Variants in U2AF2 observed in about 807,000 individuals in gnomAD.
U2AF2 encodes splicing factor U2AF 65 kDa subunit.
In U2AF2, 6 loss-of-function variants were observed where a neutral mutation model predicts 52.6. The ratio of observed to expected loss-of-function variants is 0.11; its 90% CI spans 0.06 to 0.23. The LOEUF is 0.23. Among genes scored for constraint, U2AF2 ranks in the 10% least tolerant of loss-of-function variants. U2AF2 has a pLI of 1.00. For missense variants in U2AF2, 222 were observed against 677.1 expected, an observed-to-expected ratio of 0.33 and a Z score of 7.46; for synonymous variants, 284 against 258.2, an observed-to-expected ratio of 1.10 and a Z score of -0.96.
At chr19:55,669,861 T>C (rs1984780221) in intron 11 of U2AF2, among the ~76,000 whole-genome samples, 169 bp downstream of exon 11, 1 of 152,186 alleles carries the variant, frequency 6.6e-6, no homozygotes. Flanking sequence ...ATGCCATCAC[T>C]GAGTGCCGCC....
At position 55,668,930 on chromosome 19, in the gene U2AF2, C is replaced by T. The variant is rs1210603124; in HGVS notation, c.945+138C>T. ...CAGTGCCCTGTGTGTGGGCTCGTCC[C>T]TGTCCCATGGCGTTGGCTTTTTCCA... On this transcript the variant is annotated intron_variant, in intron 9 of 11. Coordinates refer to ENST00000308924, the MANE Select transcript of U2AF2 (RefSeq NM_007279.3). The surrounding 1 kb of genome is among the most constrained non-coding windows in gnomAD (Gnocchi z 5.5). 17 of 1,504,366 alleles carry T rather than the reference C, an allele frequency of 1.1e-5. No homozygotes were observed. The highest frequency in any genetic ancestry group is 1.4e-5 in the Non-Finnish European group (16 of 1,117,646). 93.2% of individuals were successfully genotyped at this position (1,504,366 alleles called of 1,614,324 possible).
intron 1 of U2AF2, among the ~76,000 whole-genome samples, chr19:55,658,141 C>T (rs1389374148): frequency 6.6e-6 from 1 of 152,174 alleles, no homozygotes; most frequent in Admixed American, 6.5e-5. Context: ...CCCTTTCCTC[C>T]TCTTGTCCCC....
At chr19:55,662,647 G>T (rs770337054) in intron 6 of U2AF2, 29 bp downstream of exon 6, 1 of 1,595,760 alleles carries the variant, frequency 6.3e-7, no homozygotes, top group South Asian at 1.1e-5. Context: ...TGAGGTCCAG[G>T]AAACGTGTGT....
intron 6 of U2AF2, among the ~76,000 whole-genome samples, chr19:55,662,968 G>C (rs1206463989): frequency 6.6e-6 from 1 of 152,002 alleles, no homozygotes; most frequent in Non-Finnish European, 1.5e-5. Context: ...CCAGCTAACT[G>C]ATGTTCCTAA....
intron 2 of U2AF2, among the ~76,000 whole-genome samples, chr19:55,659,927 C>T (rs551134259): frequency 3.8e-4 from 58 of 152,286 alleles, no homozygotes; most frequent in African/African-American, 1.1e-3. Flanking sequence ...TGCCTCCTCC[C>T]GGCTCAGTTT....
intron 7 of U2AF2, among the ~76,000 whole-genome samples, chr19:55,665,846 A>C (rs564925035): frequency 1.3e-5 from 2 of 152,226 alleles, no homozygotes; most frequent in South Asian, 4.1e-4. Context: ...ATGGGGTTTC[A>C]CCATGTTGGC....
At chr19:55,655,337 G>A (rs1983710747) in intron 1 of U2AF2, among the ~76,000 whole-genome samples, 184 bp downstream of exon 1, 1 of 152,198 alleles carries the variant, frequency 6.6e-6, no homozygotes, top group Admixed American at 6.5e-5. Flanking sequence ...CTAGGCGAGG[G>A]GAAGGGGGCG....
chr19:55,658,568 G>A (rs117094064), intron 1 of U2AF2, among the ~76,000 whole-genome samples: 43 of 152,200 alleles, frequency 2.8e-4, no homozygotes, highest in Non-Finnish European at 4.7e-4. Context: ...AGTCTGGATG[G>A]GGCAAGCTCC....
At chr19:55,659,051 G>A (rs544895437) in intron 1 of U2AF2, 159 bp from the exon 2 acceptor site, 193 of 1,222,910 alleles carry the variant, frequency 1.6e-4, no homozygotes, top group Non-Finnish European at 1.9e-4. Flanking sequence ...GGACTCGCTT[G>A]TGGACCCAGG....
At chr19:55,659,026 C>A in intron 1 of U2AF2, 184 bp from the exon 2 acceptor site, 2 of 930,082 alleles carry the variant, frequency 2.2e-6, no homozygotes, top group Non-Finnish European at 2.9e-6. Flanking sequence ...TCCCCCTGGT[C>A]CCCTCATGGT....
At position 55,668,645 on chromosome 19, in the gene U2AF2, C is replaced by T. The variant is rs1299130404; in HGVS notation, c.823-25C>T. The T allele has an allele frequency of 5.6e-6, 9 of 1,606,460 alleles. No individual in the cohort carries two copies. The highest frequency in any genetic ancestry group is 5.1e-6 in the Non-Finnish European group (6 of 1,174,308). On this transcript the variant is annotated intron_variant, in intron 8 of 11. Coordinates refer to ENST00000308924, the MANE Select transcript of U2AF2 (RefSeq NM_007279.3). The surrounding 1 kb of genome is among the most constrained non-coding windows in gnomAD (Gnocchi z 5.5). ...CCACCCCGCCCCACCTCATCCCAGC[C>T]CTGATGGACTCTCGGCTACTGCAGG...
At chr19:55,672,523 C>G (rs951836113) in intron 11 of U2AF2, among the ~76,000 whole-genome samples, 1 of 152,174 alleles carries the variant, frequency 6.6e-6, no homozygotes, top group African/African-American at 2.4e-5. Context: ...TGCAAGAGCA[C>G]TACTCCCTGC....
rs925424611 is a variant in U2AF2 at position 55,669,761 on chromosome 19, C to T, written c.1293+69C>T. 4.7e-6 allele frequency: 7 copies of T among 1,492,074 alleles called. No individual in the cohort carries two copies. In the East Asian group the frequency reaches 1.2e-4, roughly 26 times the overall value. 92.4% of individuals were successfully genotyped at this position (1,492,074 alleles called of 1,614,324 possible). A position where few individuals can be genotyped will look rare whatever the true frequency, so the allele number is the denominator to read the frequency against. On this transcript the variant is annotated intron_variant, in intron 11 of 11. Transcript: ENST00000308924. Reference sequence around the variant, plus strand: ...CCTCTTCTCCGCGCCCTCTTTCTTCCTCTCTTGCTCCCTCACCCTCTCCCC... The same window carrying T: ...CCTCTTCTCCGCGCCCTCTTTCTTCTTCTCTTGCTCCCTCACCCTCTCCCC...
chr19:55,658,444 G>A (rs1442725187), intron 1 of U2AF2, among the ~76,000 whole-genome samples: 1 of 152,138 alleles, frequency 6.6e-6, no homozygotes, highest in Non-Finnish European at 1.5e-5. Context: ...AGAGGGTTGA[G>A]GGAGCCTGCT....
chr19:55,655,110 G>A lies in U2AF2; in HGVS notation c.6G>A (p.Ser2=). 6.2e-7 allele frequency: 1 copy of A among 1,606,074 alleles called. No homozygotes were observed. Among genetic ancestry groups the A allele is most frequent in the Non-Finnish European group, 8.5e-7 (1 of 1,177,026 alleles). The part of the protein sequence containing the change: M[S]DFDEFERQLN... ...CCCTACGCGGCCGCCTCAGCATGTC[G>A]GACTTCGACGAGTTCGAGCGGCAGC... Residue 2 remains serine, a synonymous_variant, in exon 1 of 12, where the codon TCG becomes TCA. Transcript: ENST00000308924.
chr19:55,660,084 C>T, intron 2 of U2AF2, 93 bp from the exon 3 acceptor site: 2 of 1,294,846 alleles, frequency 1.5e-6, no homozygotes, highest in Non-Finnish European at 2.2e-6. Flanking sequence ...CTGCTCCCAC[C>T]CTGGGGCTCA....
At chr19:55,658,487 GC>G (rs768901222) in intron 1 of U2AF2, among the ~76,000 whole-genome samples, 41 of 152,266 alleles carry the variant, frequency 2.7e-4, no homozygotes, top group Non-Finnish European at 5.1e-4. Context: ...CCCTACTCAC[GC>G]CTTTACAGTC....
intron 1 of U2AF2, among the ~76,000 whole-genome samples, chr19:55,657,878 A>G (rs1000123815): frequency 6.6e-6 from 1 of 152,044 alleles, no homozygotes; most frequent in Non-Finnish European, 1.5e-5. Flanking sequence ...TTCCTTACCC[A>G]TTATGTCAGC....
At chr19:55,658,166 C>T (rs1263067451) in intron 1 of U2AF2, among the ~76,000 whole-genome samples, 4 of 152,146 alleles carry the variant, frequency 2.6e-5, no homozygotes, top group Non-Finnish European at 5.9e-5. Context: ...ATGATCACTC[C>T]AGGAGATGCG....
Sources: allele counts gnomAD v4.1 joint callset (sites outside exome capture counted in the v4.1 genomes callset), GRCh38; gene constraint gnomAD v4.1.1; non-coding constraint Gnocchi (gnomAD v3.1); transcripts MANE v1.5; gene names NCBI Gene and HGNC (gene_info 2026-07-23, HGNC 2026-07-21).